The following FGD5 variants were observed in gnomAD, a reference collection of about 807,000 sequenced individuals.
FGD5 encodes FYVE, RhoGEF and PH domain containing 5, also known as FYVE, RhoGEF and PH domain-containing protein 5.
In FGD5, 28 loss-of-function variants were observed where a neutral mutation model predicts 133.4. The observed-to-expected ratio is 0.21, with a 90% CI of 0.16 to 0.29. FGD5 has a LOEUF of 0.29. Ranked by LOEUF, FGD5 falls within the 10% of genes least tolerant of loss-of-function variation. FGD5 has a pLI of 1.00. For synonymous variants in FGD5, 810 were observed against 776.5 expected (o/e 1.04, Z -0.72); for missense variants, 1,858 against 1,895.2 (o/e 0.98, Z 0.36).
chr3:14,894,906 A>T (rs2038103383), intron 4 of FGD5, among the ~76,000 whole-genome samples: 1 of 94,474 alleles, frequency 1.1e-5, no homozygotes. Flanking sequence ...AGCCATTTTA[A>T]CAGGGGTGAG....
Position 14,853,636 on chromosome 3 carries a change from CTTTTTTTTTTT to C in FGD5, c.2526-10471_2526-10461del, listed in dbSNP as rs34008934. The stretch of plus-strand genomic sequence containing the variant: ...GAGATTCCCAGGGGGAAAAGCGTTC[CTTTTTTTTTTT>C]TTTTTTTTTTTTTTTTTTTTACGAG... On this transcript the variant is annotated intron_variant, in intron 1 of 19. Coordinates refer to ENST00000285046, the MANE Select transcript of FGD5 (RefSeq NM_152536.4). Among the ~76,000 whole-genome samples, 273 of 37,138 alleles carry C rather than the reference CTTTTTTTTTTT, an allele frequency of 7.4e-3. 2 individuals carry two copies. The highest frequency in any genetic ancestry group is 0.027 in the East Asian group (21 of 786). 24.4% of individuals were successfully genotyped at this position (37,138 alleles called of 152,430 possible). A position where few individuals can be genotyped will look rare whatever the true frequency, so the allele number is the denominator to read the frequency against.
chr3:14,881,016 C>T (rs771366849), intron 4 of FGD5, among the ~76,000 whole-genome samples: 5 of 152,104 alleles, frequency 3.3e-5, no homozygotes, highest in African/African-American at 1.2e-4. Context: ...AGGTTTTGTG[C>T]AGGTTGTTTG....
intron 1 of FGD5, among the ~76,000 whole-genome samples, chr3:14,855,092 CAT>C (rs1252999205): frequency 2.6e-5 from 4 of 152,162 alleles, no homozygotes; most frequent in Admixed American, 6.5e-5. Flanking sequence ...TTAGTTTCCA[CAT>C]ATGAGTGAGA....
intron 1 of FGD5, among the ~76,000 whole-genome samples, chr3:14,857,007 G>A (rs1170162235): frequency 6.6e-6 from 1 of 152,034 alleles, no homozygotes; most frequent in Admixed American, 6.5e-5. Flanking sequence ...TGTCAGCTGT[G>A]GATTTATCAT....
intron 13 of FGD5, among the ~76,000 whole-genome samples, chr3:14,920,142 G>T (rs751451968): frequency 2.4e-4 from 36 of 152,002 alleles, no homozygotes; most frequent in Non-Finnish European, 4.4e-4. Flanking sequence ...AACCAGGGAG[G>T]TATGCCTCCA....
In FGD5 at chr3:14,827,271, T is replaced by G. The variant is rs534104428; in HGVS notation, c.2525+5675T>G. On this transcript the variant is annotated intron_variant, in intron 1 of 19. Coordinates refer to ENST00000285046, the MANE Select transcript of FGD5 (RefSeq NM_152536.4). ...TTTCTGTGGTCGCAAATTGCCACATTTCTGGTATTCTTTTTTTTTTTTTTT... is the reference window on the plus strand; with the variant it reads ...TTTCTGTGGTCGCAAATTGCCACATGTCTGGTATTCTTTTTTTTTTTTTTT... Among the ~76,000 whole-genome samples, 17 of 151,040 alleles carry G rather than the reference T, an allele frequency of 1.1e-4. No individual in the cohort carries two copies. In the South Asian group the frequency reaches 3.6e-3, roughly 32 times the overall value.
chr3:14,871,451 G>A (rs1428302144), intron 2 of FGD5, among the ~76,000 whole-genome samples: 1 of 152,246 alleles, frequency 6.6e-6, no homozygotes. Context: ...ACTCTGCACA[G>A]TGAGTGATGG....
chr3:14,851,704 T>TA, intron 1 of FGD5, among the ~76,000 whole-genome samples: 1 of 152,176 alleles, frequency 6.6e-6, no homozygotes, highest in South Asian at 2.1e-4. Context: ...GAAGATCTTC[T>TA]AAAAGTTTAA....
At chr3:14,870,900 ATCT>A (rs2037594161) in intron 2 of FGD5, among the ~76,000 whole-genome samples, 2 of 152,206 alleles carry the variant, frequency 1.3e-5, no homozygotes, top group Admixed American at 1.3e-4. Context: ...CTGACGTGTC[ATCT>A]TCTTATTGCC....
chr3:14,811,157 T>G (rs889547241), intron 1 of FGD5, among the ~76,000 whole-genome samples: 10 of 151,826 alleles, frequency 6.6e-5, no homozygotes, highest in Non-Finnish European at 8.8e-5. Context: ...TTCCCCGGAG[T>G]GAGGGTCCCT....
chr3:14,875,087 C>T (rs1008629056), intron 2 of FGD5, among the ~76,000 whole-genome samples: 3 of 152,308 alleles, frequency 2.0e-5, no homozygotes, highest in Non-Finnish European at 2.9e-5. Context: ...ACCTGTGTTC[C>T]CTGCCTGCCC....
At chr3:14,835,027 G>A (rs924086034) in intron 1 of FGD5, among the ~76,000 whole-genome samples, 1 of 152,216 alleles carries the variant, frequency 6.6e-6, no homozygotes, top group Admixed American at 6.5e-5. Flanking sequence ...TCACATGGCA[G>A]AGGAGGCAAA....
intron 7 of FGD5, among the ~76,000 whole-genome samples, chr3:14,900,079 G>A (rs1364455217): frequency 6.6e-6 from 1 of 152,242 alleles, no homozygotes; most frequent in East Asian, 1.9e-4. Flanking sequence ...ACACTCGGCT[G>A]TGCTGATTGC....
At chr3:14,918,681 G>A in intron 12 of FGD5, 73 bp from the exon 13 acceptor site, 1 of 1,469,410 alleles carries the variant, frequency 6.8e-7, no homozygotes, top group South Asian at 1.1e-5. Context: ...CTGTTCATCT[G>A]CTGCCAGGAG....
chr3:14,847,507 T>G (rs2037072974), intron 1 of FGD5, among the ~76,000 whole-genome samples: 1 of 152,196 alleles, frequency 6.6e-6, no homozygotes, highest in Non-Finnish European at 1.5e-5. Context: ...CTGTCCTGGT[T>G]GGAGCTTTCA....
chr3:14,886,732 C>G (rs1389181771), intron 4 of FGD5, among the ~76,000 whole-genome samples: 1 of 152,206 alleles, frequency 6.6e-6, no homozygotes, highest in Non-Finnish European at 1.5e-5. Context: ...TTTCATGCGG[C>G]TCACAATACT....
At chr3:14,865,837 C>T (rs1246595968) in intron 2 of FGD5, among the ~76,000 whole-genome samples, 1 of 152,224 alleles carries the variant, frequency 6.6e-6, no homozygotes, top group Non-Finnish European at 1.5e-5. Context: ...GACCTCTCCA[C>T]TCCTCCTCTC....
At chr3:14,844,270 A>G (rs1318011391) in intron 1 of FGD5, among the ~76,000 whole-genome samples, 2 of 93,286 alleles carry the variant, frequency 2.1e-5, no homozygotes, top group African/African-American at 8.3e-5. Context: ...ATATATATAT[A>G]TAATGCAGGT....
chr3:14,836,835 G>A (rs915335201), intron 1 of FGD5, among the ~76,000 whole-genome samples: 6 of 152,214 alleles, frequency 3.9e-5, no homozygotes, highest in African/African-American at 9.6e-5. Flanking sequence ...GAGCAGCCAC[G>A]TGCTTTGAAG....
Sources: gnomAD v4.1 joint callset for allele counts (sites outside exome capture counted in the v4.1 genomes callset) on GRCh38, gnomAD v4.1.1 for gene constraint, MANE v1.5 for transcripts, NCBI Gene and HGNC (gene_info 2026-07-23, HGNC 2026-07-21) for gene names.